Variants in JAZF1 observed in about 807,000 individuals in gnomAD.
JAZF1 encodes juxtaposed with another zinc finger protein 1.
Under a neutral mutation model 26.4 loss-of-function variants are expected in JAZF1, and 8 were observed. The ratio of observed to expected loss-of-function variants is 0.30; its 90% CI spans 0.18 to 0.55. The LOEUF (loss-of-function observed/expected upper bound fraction) is 0.55. Among genes scored for constraint, JAZF1 ranks in the 20% least tolerant of loss-of-function variants. The pLI, the probability that JAZF1 is intolerant of heterozygous loss-of-function variation, is 0.94. For missense variants in JAZF1, 199 were observed against 322.0 expected (o/e 0.62, Z 2.92); for synonymous variants, 126 against 122.3 (o/e 1.03, Z -0.20).
At chr7:27,962,935 T>C (rs1279558873) in intron 2 of JAZF1, among the ~76,000 whole-genome samples, 1 of 152,168 alleles carries the variant, frequency 6.6e-6, no homozygotes, top group African/African-American at 2.4e-5. Context: ...AGACTGAAGC[T>C]CTGAAGCTTA....
chr7:28,121,755 A>G (rs1782608777), intron 1 of JAZF1, among the ~76,000 whole-genome samples: 1 of 152,250 alleles, frequency 6.6e-6, no homozygotes, highest in South Asian at 2.1e-4. Context: ...AATTGGGCAT[A>G]GATTCTGAAG....
At chr7:28,080,602 T>A (rs1784119519) in intron 1 of JAZF1, among the ~76,000 whole-genome samples, 1 of 152,158 alleles carries the variant, frequency 6.6e-6, no homozygotes, top group Non-Finnish European at 1.5e-5. Context: ...CACTTACAGG[T>A]CATCATAAGG....
intron 2 of JAZF1, among the ~76,000 whole-genome samples, chr7:27,933,187 A>AG (rs1784712436): frequency 6.6e-6 from 1 of 152,244 alleles, no homozygotes; most frequent in African/African-American, 2.4e-5. Flanking sequence ...TTAGGGGTAG[A>AG]GGGTTTAATA....
intron 3 of JAZF1, among the ~76,000 whole-genome samples, chr7:27,845,702 A>AT: frequency 7.1e-6 from 1 of 140,268 alleles, no homozygotes; most frequent in Non-Finnish European, 1.5e-5. Context: ...GCCTCAAAAA[A>AT]AAAAAAAAAA....
At chr7:27,960,211 C>T (rs1490399763) in intron 2 of JAZF1, among the ~76,000 whole-genome samples, 3 of 152,222 alleles carry the variant, frequency 2.0e-5, no homozygotes, top group Non-Finnish European at 4.4e-5. Context: ...ATGGCATTTT[C>T]ACTGGAAAAT....
intron 1 of JAZF1, among the ~76,000 whole-genome samples, chr7:28,129,810 T>C (rs1189674279): frequency 6.6e-6 from 1 of 152,248 alleles, no homozygotes; most frequent in Non-Finnish European, 1.5e-5. Context: ...GATAAGTTGG[T>C]ACATTACATT....
intron 2 of JAZF1, among the ~76,000 whole-genome samples, chr7:27,925,515 G>C (rs1367246498): frequency 1.3e-5 from 2 of 152,094 alleles, no homozygotes; most frequent in East Asian, 1.9e-4. Flanking sequence ...TCTAACTCTT[G>C]GGCTCAAGTG....
At chr7:28,109,451 G>A (rs527658976) in intron 1 of JAZF1, among the ~76,000 whole-genome samples, 3 of 152,150 alleles carry the variant, frequency 2.0e-5, no homozygotes, top group South Asian at 2.1e-4. Flanking sequence ...CTGATACGCC[G>A]CATGCCTACA....
At chr7:27,926,416 A>G (rs1287165791) in intron 2 of JAZF1, among the ~76,000 whole-genome samples, 2 of 152,212 alleles carry the variant, frequency 1.3e-5, no homozygotes, top group African/African-American at 4.8e-5. Flanking sequence ...TTTCCTTAAC[A>G]TCTATAAAGT....
At chr7:28,131,215 A>G (rs1211751763) in intron 1 of JAZF1, among the ~76,000 whole-genome samples, 4 of 152,170 alleles carry the variant, frequency 2.6e-5, no homozygotes, top group Non-Finnish European at 5.9e-5. Context: ...CGTTTCAGTA[A>G]GACTGGGAAC....
chr7:27,861,759 G>A (rs1783385455), intron 3 of JAZF1, among the ~76,000 whole-genome samples: 1 of 152,148 alleles, frequency 6.6e-6, no homozygotes, highest in African/African-American at 2.4e-5. Context: ...GGCATAAAAA[G>A]CAGATTGGAT....
chr7:27,943,391 A>G (rs929240205), intron 2 of JAZF1, among the ~76,000 whole-genome samples: 6 of 152,190 alleles, frequency 3.9e-5, no homozygotes, highest in Admixed American at 3.9e-4. Flanking sequence ...CTCCGCTGCT[A>G]GCTGGAGGCC....
intron 2 of JAZF1, among the ~76,000 whole-genome samples, chr7:27,900,968 TA>T (rs1411071041): frequency 2.0e-5 from 3 of 150,728 alleles, no homozygotes; most frequent in African/African-American, 7.3e-5. Context: ...GTTTCCTGTG[TA>T]AAAACTTTTT....
chr7:27,893,850 A>G (rs1243643795), intron 3 of JAZF1, among the ~76,000 whole-genome samples: 2 of 152,180 alleles, frequency 1.3e-5, no homozygotes, highest in African/African-American at 4.8e-5. Flanking sequence ...GAACTAGGGA[A>G]GAAGGGCTGG....
At chr7:28,105,167 C>T (rs1471955132) in intron 1 of JAZF1, among the ~76,000 whole-genome samples, 3 of 151,926 alleles carry the variant, frequency 2.0e-5, no homozygotes, top group Non-Finnish European at 2.9e-5. Flanking sequence ...AAAAAACAAA[C>T]AAGAACTCTC....
chr7:28,030,721 T>C (rs1212064466), intron 1 of JAZF1, among the ~76,000 whole-genome samples: 2 of 152,236 alleles, frequency 1.3e-5, no homozygotes, highest in African/African-American at 2.4e-5. Flanking sequence ...TTTAAAATAG[T>C]TTTTATTTAT....
At chr7:28,091,245 T>C (rs1370537877) in intron 1 of JAZF1, among the ~76,000 whole-genome samples, 1 of 152,152 alleles carries the variant, frequency 6.6e-6, no homozygotes, top group Non-Finnish European at 1.5e-5. Context: ...CTTTCTTCTG[T>C]CAACCTGAAC....
At chr7:27,910,076 A>C (rs1784335197) in intron 2 of JAZF1, among the ~76,000 whole-genome samples, 1 of 152,196 alleles carries the variant, frequency 6.6e-6, no homozygotes, top group South Asian at 2.1e-4. Flanking sequence ...ATTGAATGAC[A>C]CTGAATGTTT....
rs561171277 is a variant in JAZF1 at position 28,036,689 on chromosome 7, C to T, written c.116-44708G>A. Among the ~76,000 whole-genome samples the T allele has an allele frequency of 2.0e-5, 3 of 152,292 alleles. No individual in the cohort carries two copies. In the East Asian group the frequency reaches 5.8e-4, roughly 29 times the overall value. Reference sequence around the variant, plus strand: ...AAACAGAGGAAAGGAGGGAAAGCTACCTTCTTAACGTGGGTTAGTGGCTTT... The same window carrying T: ...AAACAGAGGAAAGGAGGGAAAGCTATCTTCTTAACGTGGGTTAGTGGCTTT... On this transcript the variant is annotated intron_variant, in intron 1 of 4. Transcript: ENST00000283928.
Sources: gnomAD v4.1 joint callset for allele counts (sites outside exome capture counted in the v4.1 genomes callset) on GRCh38, gnomAD v4.1.1 for gene constraint, MANE v1.5 for transcripts, NCBI Gene and HGNC (gene_info 2026-07-23, HGNC 2026-07-21) for gene names.